CREG2: variants seen among roughly 807,000 people sequenced by gnomAD.
CREG2 encodes the protein cellular repressor of E1A stimulated genes 2.
CREG2 carries 24 observed loss-of-function variants against 26.2 expected under a neutral mutation model. That is an observed-to-expected ratio of 0.92 (90% confidence interval 0.66 to 1.29). The LOEUF is 1.29. Ranked by LOEUF, CREG2 falls within the 50% of genes most tolerant of loss-of-function variation. CREG2 has a pLI of 0.00. For missense variants in CREG2, 366 were observed against 398.6 expected, an observed-to-expected ratio of 0.92 and a Z score of 0.70; for synonymous variants, 174 against 169.2, an observed-to-expected ratio of 1.03 and a Z score of -0.22.
chr2:101,378,119 A>G (rs774220465), intron 2 of CREG2, among the ~76,000 whole-genome samples: 54 of 152,140 alleles, frequency 3.5e-4, no homozygotes, highest in Non-Finnish European at 6.5e-4. Flanking sequence ...ACATTTCCCC[A>G]TTCCCCTCTC....
intron 2 of CREG2, among the ~76,000 whole-genome samples, chr2:101,360,681 C>T (rs1028299580): frequency 4.0e-5 from 6 of 150,256 alleles, no homozygotes; most frequent in South Asian, 2.1e-4. Context: ...GAAGTTGCAG[C>T]GAGCAGAGAT....
At chr2:101,373,110 A>G (rs1684737348) in intron 2 of CREG2, among the ~76,000 whole-genome samples, 1 of 152,248 alleles carries the variant, frequency 6.6e-6, no homozygotes, top group Non-Finnish European at 1.5e-5. Flanking sequence ...TCCTAGGTAT[A>G]TACCAAAGTG....
chr2:101,353,175 G>T (rs1166264012), intron 3 of CREG2, among the ~76,000 whole-genome samples: 1 of 152,122 alleles, frequency 6.6e-6, no homozygotes, highest in African/African-American at 2.4e-5. Context: ...CAGATGGGTC[G>T]ATTGAAAAAA....
Position 101,387,071 on chromosome 2 carries a change from G to A in CREG2, c.387C>T (p.Ser129=). The A allele has an allele frequency of 8.1e-7, 1 of 1,234,130 alleles. No homozygotes were observed. The highest frequency in any genetic ancestry group is 1.6e-5 in the African/African-American group (1 of 64,460). 76.4% of individuals were successfully genotyped at this position (1,234,130 alleles called of 1,614,324 possible). The part of the protein sequence containing the change: ...GPRLRAATAR[S]LAHASVWGCL... ...AGCCCCAGACGCTGGCATGGGCCAGGGAGCGGGCGGTGGCGGCGCGCAGTC... is the reference window on the plus strand; with the variant it reads ...AGCCCCAGACGCTGGCATGGGCCAGAGAGCGGGCGGTGGCGGCGCGCAGTC... Residue 129 remains serine (S), a synonymous_variant, in exon 1 of 4, where the codon TCC becomes TCT. Coordinates refer to ENST00000324768, the MANE Select transcript of CREG2 (RefSeq NM_153836.4). The surrounding 1 kb of genome is among the most constrained non-coding windows in gnomAD (Gnocchi z 4.7).
chr2:101,354,868 G>GT (rs1573301309), intron 3 of CREG2, among the ~76,000 whole-genome samples: 1 of 152,078 alleles, frequency 6.6e-6, no homozygotes, highest in Admixed American at 6.5e-5. Flanking sequence ...GCCTACTGAT[G>GT]TAAGAGCGAG....
At chr2:101,377,158 A>G (rs1360406654) in intron 2 of CREG2, among the ~76,000 whole-genome samples, 4 of 152,132 alleles carry the variant, frequency 2.6e-5, no homozygotes, top group Non-Finnish European at 4.4e-5. Context: ...TTTTTTTCCC[A>G]CTGTGGGAAT....
At chr2:101,384,991 C>G (rs1222890197) in intron 1 of CREG2, among the ~76,000 whole-genome samples, 5 of 152,166 alleles carry the variant, frequency 3.3e-5, no homozygotes, top group South Asian at 2.1e-4. Flanking sequence ...TGAGGCCTCC[C>G]CAGAAGCAGA....
intron 2 of CREG2, among the ~76,000 whole-genome samples, chr2:101,367,431 A>G (rs991496298): frequency 2.6e-5 from 4 of 152,196 alleles, no homozygotes; most frequent in Admixed American, 6.5e-5. Context: ...TTTAATTTCT[A>G]TATTTAAAAC....
chr2:101,369,357 A>G (rs1032100610), intron 2 of CREG2, among the ~76,000 whole-genome samples: 1 of 152,106 alleles, frequency 6.6e-6, no homozygotes, highest in Non-Finnish European at 1.5e-5. Context: ...CTGGCAGCTG[A>G]GTCTGCCATG....
intron 2 of CREG2, among the ~76,000 whole-genome samples, chr2:101,376,270 T>G (rs554243334): frequency 3.2e-5 from 3 of 95,020 alleles, no homozygotes; most frequent in African/African-American, 1.3e-4. Flanking sequence ...CCGAATTTAA[T>G]TTTTTTCTTT....
rs2104464996 is a variant in CREG2 at position 101,345,815 on chromosome 2, G to T, written c.*5108C>A. Reference sequence around the variant, plus strand: ...TTATTTAAATAAATACAGACTTTTTGGAAAAATTGTAGAAATACCTTTTTT... The same window carrying T: ...TTATTTAAATAAATACAGACTTTTTTGAAAAATTGTAGAAATACCTTTTTT... On this transcript the variant is annotated 3_prime_UTR_variant, in exon 4 of 4. Coordinates refer to ENST00000324768, the MANE Select transcript of CREG2 (RefSeq NM_153836.4). 1 of 150,356 alleles carries T rather than the reference G, an allele frequency of 6.7e-6. No individual in the cohort carries two copies. Among genetic ancestry groups the T allele is most frequent in the Non-Finnish European group, 1.5e-5 (1 of 67,746 alleles). The allele number at this position is 150,356 out of a possible 1,614,324, so 9.3% of individuals were successfully genotyped here.
intron 3 of CREG2, among the ~76,000 whole-genome samples, chr2:101,351,698 T>C (rs4585047): frequency 0.67 from 102,038 of 151,900 alleles, 36,114 homozygotes; most frequent in South Asian, 0.78. Context: ...CTCTCCCCGA[T>C]GCATACCCCT....
At chr2:101,366,777 G>A (rs113215197) in intron 2 of CREG2, among the ~76,000 whole-genome samples, 9 of 152,186 alleles carry the variant, frequency 5.9e-5, no homozygotes, top group Admixed American at 2.0e-4. Flanking sequence ...AGCCGAGATC[G>A]CGCCACTGCA....
At chr2:101,358,462 C>T (rs1684493394) in intron 2 of CREG2, among the ~76,000 whole-genome samples, 1 of 152,118 alleles carries the variant, frequency 6.6e-6, no homozygotes, top group Non-Finnish European at 1.5e-5. Flanking sequence ...TAAAAAAATA[C>T]TACCACATGG....
chr2:101,379,699 G>A (rs1417817084), intron 2 of CREG2, among the ~76,000 whole-genome samples: 1 of 152,164 alleles, frequency 6.6e-6, no homozygotes, highest in African/African-American at 2.4e-5. Context: ...GATAAAACTA[G>A]GTATAAATCA....
chr2:101,365,760 T>C (rs1346133497), intron 2 of CREG2, among the ~76,000 whole-genome samples: 1 of 152,156 alleles, frequency 6.6e-6, no homozygotes, highest in African/African-American at 2.4e-5. Context: ...TCAGTGTCTC[T>C]CACTGTATCA....
rs1436543220 is a variant in CREG2 at position 101,387,463 on chromosome 2, A to G, written c.-6T>C. 6.4e-6 allele frequency: 7 copies of G among 1,098,726 alleles called. No individual in the cohort carries two copies. Among genetic ancestry groups the G allele is most frequent in the Non-Finnish European group, 8.0e-6 (7 of 871,274 alleles). 68.1% of individuals were successfully genotyped at this position (1,098,726 alleles called of 1,614,324 possible). On this transcript the variant is annotated 5_prime_UTR_variant, in exon 1 of 4. Coordinates refer to ENST00000324768, the MANE Select transcript of CREG2 (RefSeq NM_153836.4). This position sits in a 1 kb window ranked among gnomAD's most constrained non-coding sequence, Gnocchi z 4.7. The stretch of plus-strand genomic sequence containing the variant: ...CGGCCGCGGCGCACGGACATCTTGC[A>G]GGCAGCACGCCCGGCCGCCGGGGCC...
chr2:101,386,942 G>A, intron 1 of CREG2, 75 bp downstream of exon 1: 1 of 1,220,394 alleles, frequency 8.2e-7, no homozygotes, highest in Non-Finnish European at 1.0e-6. Flanking sequence ...GAGCGGTCGC[G>A]AGCACGTCCC....
At chr2:101,356,004 T>C (rs879752886) in intron 2 of CREG2, among the ~76,000 whole-genome samples, 2 of 152,056 alleles carry the variant, frequency 1.3e-5, no homozygotes, top group Non-Finnish European at 2.9e-5. Flanking sequence ...TCATACAGAC[T>C]TAAAGGCTGG....
Sources: allele counts gnomAD v4.1 joint callset (sites outside exome capture counted in the v4.1 genomes callset), GRCh38; gene constraint gnomAD v4.1.1; non-coding constraint Gnocchi (gnomAD v3.1); transcripts MANE v1.5; gene names NCBI Gene and HGNC (gene_info 2026-07-23, HGNC 2026-07-21).